The following MGAT5B variants were observed in gnomAD, a reference collection of about 807,000 sequenced individuals.
MGAT5B encodes alpha-1,6-mannosylglycoprotein 6-beta-N-acetylglucosaminyltransferase B.
In MGAT5B, 54 loss-of-function variants were observed where a neutral mutation model predicts 95.1. The observed-to-expected ratio is 0.57, with a 90% CI of 0.46 to 0.71. MGAT5B has a LOEUF of 0.71. MGAT5B is among the 30% of genes least tolerant of loss of function. MGAT5B has a pLI of 0.00. For missense variants in MGAT5B, 935 were observed against 1,088.6 expected (o/e 0.86, Z 1.99); for synonymous variants, 464 against 451.0 (o/e 1.03, Z -0.36).
chr17:76,882,415 G>A lies in MGAT5B; in HGVS notation c.329+117G>A, dbSNP rs1157367986. 90 of 1,295,710 alleles carry A rather than the reference G, an allele frequency of 6.9e-5. No individual in the cohort carries two copies. The South Asian group carries it at 1.3e-3, about 19-fold the overall frequency. 80.3% of individuals were successfully genotyped at this position (1,295,710 alleles called of 1,614,324 possible). On this transcript the variant is annotated intron_variant, in intron 3 of 17. Transcript: ENST00000569840. ...ATCTGGAGAAGATTTGGACCACACT[G>A]TGGTACAGCCCAGAGTGCATTTCTA...
In MGAT5B at chr17:76,940,865, A is replaced by G. The variant is rs773001474; in HGVS notation, c.1848+17A>G. 6.3e-7 allele frequency: 1 copy of G among 1,583,042 alleles called. No homozygotes were observed. Among genetic ancestry groups the G allele is most frequent in the East Asian group, 2.2e-5 (1 of 44,726 alleles). ...AGAACTCAGGTGAGAGCAGCCACAT[A>G]CAGTTGAGACCCCCCACTAGTCCAC... is the stretch of plus-strand genomic sequence containing the variant. On this transcript the variant is annotated intron_variant, in intron 15 of 17. Coordinates refer to ENST00000569840, the MANE Select transcript of MGAT5B (RefSeq NM_001199172.2). The surrounding 1 kb of genome is among the most constrained non-coding windows in gnomAD (Gnocchi z 4.3).
At chr17:76,882,392 C>A in intron 3 of MGAT5B, 94 bp downstream of exon 3, 1 of 1,429,048 alleles carries the variant, frequency 7.0e-7, no homozygotes, top group Non-Finnish European at 9.3e-7. Flanking sequence ...TTTTGTGAAT[C>A]TGGAGAAGAT....
chr17:76,869,907 C>T lies in MGAT5B; in HGVS notation c.68+810C>T, dbSNP rs1161981821. Among the ~76,000 whole-genome samples, 4 of 152,146 alleles carry T rather than the reference C, an allele frequency of 2.6e-5. No individual in the cohort carries two copies. Among genetic ancestry groups the T allele is most frequent in the African/African-American group, 9.7e-5 (4 of 41,438 alleles). On this transcript the variant is annotated intron_variant, in intron 1 of 17. Transcript: ENST00000569840. The surrounding 1 kb of genome is among the most constrained non-coding windows in gnomAD (Gnocchi z 7.0). ...CCCAGCGGTGCCGGGGCAGCCCCCTCTCCTCCCAGGCATCCGCGGAACCGG... is the reference window on the plus strand; with the variant it reads ...CCCAGCGGTGCCGGGGCAGCCCCCTTTCCTCCCAGGCATCCGCGGAACCGG...
intron 8 of MGAT5B, among the ~76,000 whole-genome samples, chr17:76,922,722 CG>C (rs1567815208): frequency 6.6e-6 from 1 of 152,156 alleles, no homozygotes; most frequent in Non-Finnish European, 1.5e-5. Context: ...CAGAGAATCC[CG>C]TGTGGCAGGT....
chr17:76,939,164 T>C (rs1050317112), intron 13 of MGAT5B, among the ~76,000 whole-genome samples: 7 of 151,486 alleles, frequency 4.6e-5, no homozygotes, highest in Non-Finnish European at 8.8e-5. Context: ...TTAAGTGCCT[T>C]TGAGGCCAGC....
intron 15 of MGAT5B, among the ~76,000 whole-genome samples, chr17:76,944,791 G>C (rs1361962025): frequency 6.6e-6 from 1 of 152,238 alleles, no homozygotes; most frequent in Non-Finnish European, 1.5e-5. Context: ...CCCAGGACGA[G>C]TCTCCTAAGA....
rs1189426969 is a variant in MGAT5B at position 76,877,894 on chromosome 17, G to A, written c.182-4257G>A. Among the ~76,000 whole-genome samples the A allele has an allele frequency of 5.3e-5, 8 of 152,046 alleles. 1 individual carries two copies. Among genetic ancestry groups the A allele is most frequent in the Non-Finnish European group, 1.2e-4 (8 of 68,004 alleles). On this transcript the variant is annotated intron_variant, in intron 2 of 17. Coordinates refer to ENST00000569840, the MANE Select transcript of MGAT5B (RefSeq NM_001199172.2). The stretch of plus-strand genomic sequence containing the variant: ...GAAGAGCGTCTGGGGAGGAGACGGG[G>A]CCTCGGTGGGTAATAAACACATCCC...
chr17:76,930,047 C>T lies in MGAT5B; in HGVS notation c.1292-2598C>T, dbSNP rs1218646124. 6.6e-6 allele frequency among the ~76,000 whole-genome samples: 1 copy of T among 152,040 alleles called. No individual in the cohort carries two copies. Among genetic ancestry groups the T allele is most frequent in the Non-Finnish European group, 1.5e-5 (1 of 67,992 alleles). On this transcript the variant is annotated intron_variant, in intron 10 of 17. Transcript: ENST00000569840. This position sits in a 1 kb window ranked among gnomAD's most constrained non-coding sequence, Gnocchi z 4.1. ...ATGGTGCCGGACAGGTAAACAGGGT[C>T]GGGCAGGGGCTGCTTTGCCTGGCAT...
In MGAT5B at chr17:76,938,532, G is replaced by GC. The variant is rs1220716136; in HGVS notation, c.1584+391dup. 6.6e-6 allele frequency among the ~76,000 whole-genome samples: 1 copy of GC among 152,212 alleles called. No individual in the cohort carries two copies. Among genetic ancestry groups the GC allele is most frequent in the East Asian group, 1.9e-4 (1 of 5,188 alleles). On this transcript the variant is annotated intron_variant, in intron 13 of 17. Coordinates refer to ENST00000569840, the MANE Select transcript of MGAT5B (RefSeq NM_001199172.2). This position sits in a 1 kb window ranked among gnomAD's most constrained non-coding sequence, Gnocchi z 4.3. ...TGGAGAGAAGGGTCCTGGCTAGAGTGCCATTGAGCCACTAGTCCTGAGTGA... is the reference window on the plus strand; with the variant it reads ...TGGAGAGAAGGGTCCTGGCTAGAGTGCCCATTGAGCCACTAGTCCTGAGTGA...
chr17:76,895,694 T>G (rs1046071227), intron 3 of MGAT5B, among the ~76,000 whole-genome samples: 2 of 152,086 alleles, frequency 1.3e-5, no homozygotes. Context: ...AGAGACCCAC[T>G]TCACTCCAGT....
intron 13 of MGAT5B, among the ~76,000 whole-genome samples, chr17:76,939,161 C>T (rs1969784259): frequency 6.6e-6 from 1 of 150,628 alleles, no homozygotes; most frequent in Non-Finnish European, 1.5e-5. Flanking sequence ...TTATTAAGTG[C>T]CTTTGAGGCC....
chr17:76,910,203 C>A (rs138263035), intron 8 of MGAT5B, among the ~76,000 whole-genome samples: 1 of 152,206 alleles, frequency 6.6e-6, no homozygotes, highest in Non-Finnish European at 1.5e-5. Context: ...TCCAGCTGTT[C>A]GCACTGTGCA....
Position 76,924,966 on chromosome 17 carries a change from T to G in MGAT5B, c.1026T>G (p.Ser342Arg). The change falls in exon 9 of 18, where the codon AGT (serine) becomes AGG (arginine). Residue 342 changes from serine (S) to arginine (R), a missense_variant and splice_region_variant. This residue lies in a region of MGAT5B where 243 missense variants were observed against 305.5 expected (regional missense o/e 0.80). Transcript: ENST00000569840. ...AGAATCTGAAGGGCTCTTCTCTCAG[T>G]AACTTAGGGGTACCGCCAGGCCGGG... ...RVTVSLKELQ[S>R]NLGVPPGRGS... The G allele has an allele frequency of 1.9e-6, 3 of 1,611,980 alleles. No homozygotes were observed. In the Admixed American group the frequency reaches 5.0e-5, roughly 27 times the overall value.
rs142257479 is a variant in MGAT5B, at chr17:76,872,522, C to T, written c.69-329C>T. ...GGAGTCTCAGGTGATGCTGACTGCT[C>T]GTCTGGGGACTGCACTTTCAGGACT... On this transcript the variant is annotated intron_variant, in intron 1 of 17. Coordinates refer to ENST00000569840, the MANE Select transcript of MGAT5B (RefSeq NM_001199172.2). 46 of 718,406 alleles carry T rather than the reference C, an allele frequency of 6.4e-5. No homozygotes were observed. The East Asian group carries it at 1.1e-3, about 16-fold the overall frequency. The allele number at this position is 718,406 out of a possible 1,614,324, so 44.5% of individuals were successfully genotyped here.
chr17:76,927,969 T>C (rs867607617), intron 10 of MGAT5B, among the ~76,000 whole-genome samples: 11 of 152,248 alleles, frequency 7.2e-5, no homozygotes, highest in Admixed American at 2.0e-4. Context: ...GTCAAATTCA[T>C]GGCATCTCTT....
chr17:76,944,647 G>A (rs1217213732), intron 15 of MGAT5B, among the ~76,000 whole-genome samples: 1 of 152,182 alleles, frequency 6.6e-6, no homozygotes, highest in Non-Finnish European at 1.5e-5. Flanking sequence ...CTTCGAACTT[G>A]CCCCAGCGTT....
At chr17:76,933,542 C>T (rs1969562514) in intron 12 of MGAT5B, among the ~76,000 whole-genome samples, 1 of 152,142 alleles carries the variant, frequency 6.6e-6, no homozygotes, top group Non-Finnish European at 1.5e-5. Flanking sequence ...CTTGGCATGG[C>T]CACAGGGCAG....
intron 8 of MGAT5B, among the ~76,000 whole-genome samples, chr17:76,913,263 T>C (rs1333911955): frequency 6.6e-6 from 1 of 152,200 alleles, no homozygotes. Context: ...CACAATCCAC[T>C]GTGACCAGCT....
chr17:76,886,882 A>AT (rs1296397763), intron 3 of MGAT5B, among the ~76,000 whole-genome samples: 1 of 152,144 alleles, frequency 6.6e-6, no homozygotes, highest in Non-Finnish European at 1.5e-5. Flanking sequence ...CGTCTCTACT[A>AT]AAAGTACAAA....
Sources: allele counts gnomAD v4.1 joint callset (sites outside exome capture counted in the v4.1 genomes callset), GRCh38; gene constraint gnomAD v4.1.1; regional missense constraint gnomAD v4.1.1; non-coding constraint Gnocchi (gnomAD v3.1); transcripts MANE v1.5; gene names NCBI Gene and HGNC (gene_info 2026-07-23, HGNC 2026-07-21).